MALRD1: variants seen among roughly 807,000 people sequenced by gnomAD.
The protein encoded by MALRD1 is MAM and LDL-receptor class A domain-containing protein 1.
Under a neutral mutation model 242.1 loss-of-function variants are expected in MALRD1, and 247 were observed. The ratio of observed to expected loss-of-function variants is 1.02; its 90% CI spans 0.92 to 1.13. The LOEUF is 1.13. Among genes scored for constraint, MALRD1 ranks in the 50% most tolerant of loss-of-function variants. The probability of loss-of-function intolerance (pLI) is 0.00; values close to 1 mark genes in which losing one functional copy is unlikely to be tolerated. For synonymous variants in MALRD1, 995 were observed against 866.6 expected (o/e 1.15, Z -2.60); for missense variants, 2,989 against 2,533.1 (o/e 1.18, Z -3.86).
chr10:19,119,598 G>C (rs1308348337), intron 5 of MALRD1, among the ~76,000 whole-genome samples: 3 of 152,110 alleles, frequency 2.0e-5, no homozygotes, highest in Non-Finnish European at 4.4e-5. Flanking sequence ...TGACCTGGAT[G>C]GTGCCAGTTG....
At chr10:19,231,699 A>G (rs1838084600) in intron 18 of MALRD1, among the ~76,000 whole-genome samples, 1 of 152,116 alleles carries the variant, frequency 6.6e-6, no homozygotes, top group Non-Finnish European at 1.5e-5. Flanking sequence ...CTCCCCAGCC[A>G]TGTGGAACTG....
chr10:19,687,837 G>A (rs1275637675), intron 36 of MALRD1, among the ~76,000 whole-genome samples: 1 of 151,844 alleles, frequency 6.6e-6, no homozygotes, highest in Non-Finnish European at 1.5e-5. Context: ...CAGATTCCAT[G>A]TGAAAAATAA....
intron 31 of MALRD1, among the ~76,000 whole-genome samples, chr10:19,508,834 A>G (rs1833266672): frequency 6.6e-6 from 1 of 152,234 alleles, no homozygotes; most frequent in South Asian, 2.1e-4. Context: ...CTGCATAGGT[A>G]AAGAAGGCTT....
At chr10:19,675,032 AG>A (rs1409560965) in intron 36 of MALRD1, among the ~76,000 whole-genome samples, 1 of 152,128 alleles carries the variant, frequency 6.6e-6, no homozygotes, top group Non-Finnish European at 1.5e-5. Context: ...TTGAACAAAG[AG>A]GGAAAAGAAG....
At chr10:19,692,867 T>TTATATATATATA (rs1254775928) in intron 38 of MALRD1, among the ~76,000 whole-genome samples, 314 of 29,616 alleles carry the variant, frequency 0.011, 8 homozygotes, top group East Asian at 0.04. Context: ...ATAGATGAAA[T>TTATATATATATA]TATATATATA....
Position 19,517,859 on chromosome 10 carries a change from T to C in MALRD1, c.5321-13335T>C, listed in dbSNP as rs374995371. ...TTAATGCTTGGTCACTTGGTGCTTCTGAGGGTCATGGGAGGTTTCCTCCAC... is the reference window on the plus strand; with the variant it reads ...TTAATGCTTGGTCACTTGGTGCTTCCGAGGGTCATGGGAGGTTTCCTCCAC... On this transcript the variant is annotated intron_variant, in intron 31 of 39. Transcript: ENST00000454679. Among the ~76,000 whole-genome samples, 318 of 152,340 alleles carry C rather than the reference T, an allele frequency of 2.1e-3. 1 individual carries two copies. Among genetic ancestry groups the C allele is most frequent in the Middle Eastern group, 6.8e-3 (2 of 294 alleles).
intron 26 of MALRD1, among the ~76,000 whole-genome samples, chr10:19,380,664 A>G (rs4335439): frequency 0.59 from 88,968 of 151,770 alleles, 26,277 homozygotes; most frequent in Middle Eastern, 0.62. Context: ...TATATTTATC[A>G]TCCTTTTGAA....
intron 26 of MALRD1, among the ~76,000 whole-genome samples, chr10:19,384,911 A>G (rs1207419231): frequency 1.3e-5 from 2 of 151,324 alleles, no homozygotes; most frequent in African/African-American, 2.4e-5. Context: ...CTTTTTATAT[A>G]TGACCTTTAT....
chr10:19,557,099 G>A lies in MALRD1; in HGVS notation c.5479-10403G>A, dbSNP rs536125211. Among the ~76,000 whole-genome samples, 3 of 151,942 alleles carry A rather than the reference G, an allele frequency of 2.0e-5. No homozygotes were observed. In the East Asian group the frequency reaches 5.8e-4, roughly 29 times the overall value. ...GCCATTTGAATAGATTCTTTAGGGA[G>A]GTTTCTATTTAGATGTTTCATCCAT... On this transcript the variant is annotated intron_variant, in intron 32 of 39. Transcript: ENST00000454679.
At chr10:19,607,082 C>A (rs535938835) in intron 34 of MALRD1, among the ~76,000 whole-genome samples, 2 of 152,080 alleles carry the variant, frequency 1.3e-5, no homozygotes, top group African/African-American at 2.4e-5. Context: ...GGACACTTTT[C>A]GAAACAACCA....
At chr10:19,482,240 C>T (rs1385063040) in intron 29 of MALRD1, among the ~76,000 whole-genome samples, 1 of 151,978 alleles carries the variant, frequency 6.6e-6, no homozygotes, top group Middle Eastern at 3.2e-3. Context: ...CCAGGTCTAA[C>T]TAGGGGTTAA....
chr10:19,617,041 C>T (rs1359727), intron 36 of MALRD1, among the ~76,000 whole-genome samples: 1 of 151,614 alleles, frequency 6.6e-6, no homozygotes, highest in African/African-American at 2.4e-5. Context: ...TTGAATGATG[C>T]CAAAAAGTTT....
intron 21 of MALRD1, among the ~76,000 whole-genome samples, chr10:19,314,413 G>C (rs537071215): frequency 6.6e-6 from 1 of 151,672 alleles, no homozygotes; most frequent in African/African-American, 2.4e-5. Context: ...ACCAATACCA[G>C]AAGTTATAAG....
chr10:19,121,150 T>C (rs1236887590), intron 5 of MALRD1, among the ~76,000 whole-genome samples: 2 of 148,342 alleles, frequency 1.3e-5, no homozygotes, highest in Non-Finnish European at 3.0e-5. Flanking sequence ...TTCAAGCAAT[T>C]CTCCTGCCTC....
At chr10:19,237,609 T>TATATA (rs1229216369) in intron 18 of MALRD1, among the ~76,000 whole-genome samples, 2 of 13,500 alleles carry the variant, frequency 1.5e-4, no homozygotes, top group African/African-American at 5.5e-4. Context: ...ATTATAATTA[T>TATATA]AATTATATAA....
At chr10:19,437,291 GT>G (rs1042387937) in intron 28 of MALRD1, among the ~76,000 whole-genome samples, 1 of 151,844 alleles carries the variant, frequency 6.6e-6, no homozygotes, top group African/African-American at 2.4e-5. Context: ...TGTTTTCTTT[GT>G]TTTTGTTTGT....
intron 21 of MALRD1, among the ~76,000 whole-genome samples, chr10:19,286,997 G>C (rs2131903524): frequency 6.6e-6 from 1 of 151,894 alleles, no homozygotes; most frequent in South Asian, 2.1e-4. Flanking sequence ...TCATCCCTGG[G>C]ATGCAAGGCT....
intron 21 of MALRD1, among the ~76,000 whole-genome samples, chr10:19,320,234 C>G (rs933469006): frequency 6.6e-6 from 1 of 151,658 alleles, no homozygotes; most frequent in Non-Finnish European, 1.5e-5. Context: ...CCCTACCCCG[C>G]GACAGGCCCC....
chr10:19,262,034 TA>T (rs1180918990), intron 19 of MALRD1, among the ~76,000 whole-genome samples: 1 of 152,144 alleles, frequency 6.6e-6, no homozygotes, highest in Non-Finnish European at 1.5e-5. Context: ...GCCCTTAAAT[TA>T]GTTTATTTTT....
Sources: allele counts gnomAD v4.1 joint callset (sites outside exome capture counted in the v4.1 genomes callset), GRCh38; gene constraint gnomAD v4.1.1; transcripts MANE v1.5; gene names NCBI Gene and HGNC (gene_info 2026-07-23, HGNC 2026-07-21).